Variants in NRG3 observed in about 807,000 individuals in gnomAD.
The protein encoded by NRG3 is pro-neuregulin-3, membrane-bound isoform.
In NRG3, 31 loss-of-function variants were observed where a neutral mutation model predicts 66.9. That is an observed-to-expected ratio of 0.46 (90% confidence interval 0.35 to 0.63). NRG3 has a LOEUF of 0.63. NRG3 is among the 20% of genes least tolerant of loss of function. NRG3 has a pLI of 0.00. For missense variants in NRG3, 910 were observed against 878.9 expected, an observed-to-expected ratio of 1.04 and a Z score of -0.45; for synonymous variants, 393 against 359.4, an observed-to-expected ratio of 1.09 and a Z score of -1.06.
chr10:82,169,096 G>T (rs1489278213), intron 1 of NRG3, among the ~76,000 whole-genome samples: 3 of 152,046 alleles, frequency 2.0e-5, no homozygotes, highest in African/African-American at 7.2e-5. Flanking sequence ...TCACATATCT[G>T]CAAACATCTT....
At chr10:82,385,679 AAG>A (rs980614553) in intron 2 of NRG3, among the ~76,000 whole-genome samples, 14 of 152,268 alleles carry the variant, frequency 9.2e-5, no homozygotes, top group South Asian at 4.1e-4. Context: ...TTTTGCTATA[AAG>A]AGGGGATTGT....
chr10:82,012,381 A>G (rs2061615816), intron 1 of NRG3, among the ~76,000 whole-genome samples: 1 of 152,182 alleles, frequency 6.6e-6, no homozygotes, highest in Admixed American at 6.5e-5. Context: ...CTCTAGGCCT[A>G]TGAAGGGAGG....
chr10:82,044,280 G>T (rs937429341), intron 1 of NRG3, among the ~76,000 whole-genome samples: 6 of 151,940 alleles, frequency 3.9e-5, no homozygotes, highest in Non-Finnish European at 8.8e-5. Context: ...GGTTGCAGGT[G>T]GCCAGATCCT....
At chr10:82,973,648 T>G (rs758036737) in intron 6 of NRG3, 140 bp from the exon 7 acceptor site, 41 of 836,482 alleles carry the variant, frequency 4.9e-5, no homozygotes, top group South Asian at 9.5e-5. Context: ...AGGACACAAA[T>G]TATGTCTTAT....
chr10:81,981,820 G>A (rs1371615712), intron 1 of NRG3, among the ~76,000 whole-genome samples: 2 of 152,130 alleles, frequency 1.3e-5, no homozygotes, highest in Admixed American at 6.5e-5. Context: ...TATTCCAATA[G>A]CCTTTCTTTA....
chr10:82,084,726 C>G (rs959842498), intron 1 of NRG3, among the ~76,000 whole-genome samples: 1 of 152,104 alleles, frequency 6.6e-6, no homozygotes, highest in Non-Finnish European at 1.5e-5. Flanking sequence ...AGTGTGAGCC[C>G]ACACGTTCAA....
At chr10:82,175,706 T>C (rs2072978020) in intron 1 of NRG3, among the ~76,000 whole-genome samples, 1 of 152,324 alleles carries the variant, frequency 6.6e-6, no homozygotes, top group South Asian at 2.1e-4. Flanking sequence ...TGTAAGTCCT[T>C]AGAGAATAGA....
chr10:82,583,869 A>T (rs1486846256), intron 2 of NRG3, among the ~76,000 whole-genome samples: 1 of 152,302 alleles, frequency 6.6e-6, no homozygotes, highest in East Asian at 1.9e-4. Flanking sequence ...CAAATAGACC[A>T]AAGTCTCAAT....
intron 2 of NRG3, among the ~76,000 whole-genome samples, chr10:82,618,155 A>G (rs1194062687): frequency 6.6e-6 from 1 of 152,184 alleles, no homozygotes; most frequent in Admixed American, 6.5e-5. Flanking sequence ...TTATTACGAG[A>G]CTGAAATTTG....
intron 1 of NRG3, among the ~76,000 whole-genome samples, chr10:82,252,931 C>T (rs1029371273): frequency 2.0e-5 from 3 of 152,126 alleles, no homozygotes; most frequent in African/African-American, 4.8e-5. Flanking sequence ...ACTAGAACAT[C>T]GCCCAAAGCC....
intron 2 of NRG3, among the ~76,000 whole-genome samples, chr10:82,546,619 C>T (rs1424740589): frequency 6.6e-6 from 1 of 152,120 alleles, no homozygotes; most frequent in African/African-American, 2.4e-5. Flanking sequence ...GTTAGAAATA[C>T]GTGTATAAAA....
chr10:82,908,627 C>A (rs73311316), intron 4 of NRG3, among the ~76,000 whole-genome samples: 1 of 152,160 alleles, frequency 6.6e-6, no homozygotes, highest in Non-Finnish European at 1.5e-5. Flanking sequence ...CACCTGCAAT[C>A]CTCTCTGTCT....
chr10:82,807,449 C>T (rs1025671313), intron 3 of NRG3, among the ~76,000 whole-genome samples: 4 of 152,156 alleles, frequency 2.6e-5, no homozygotes, highest in Non-Finnish European at 5.9e-5. Context: ...TGTTGCTACT[C>T]ATGTCCACCT....
intron 2 of NRG3, among the ~76,000 whole-genome samples, chr10:82,424,873 A>G (rs914471973): frequency 6.6e-6 from 1 of 151,948 alleles, no homozygotes; most frequent in African/African-American, 2.4e-5. Context: ...TAGTTGTCTC[A>G]GCAGTTTATT....
intron 1 of NRG3, chr10:82,340,829 G>A (rs968738480): frequency 2.0e-5 from 3 of 152,102 alleles, no homozygotes; most frequent in Admixed American, 2.0e-4. Context: ...AGTTGTCATG[G>A]CCGTGCACAA....
At chr10:82,133,055 A>G (rs2069052500) in intron 1 of NRG3, among the ~76,000 whole-genome samples, 2 of 151,494 alleles carry the variant, frequency 1.3e-5, no homozygotes, top group South Asian at 4.2e-4. Context: ...TTTCAATTTT[A>G]TTTATTTCTG....
intron 3 of NRG3, among the ~76,000 whole-genome samples, chr10:82,823,987 CA>C (rs2062070405): frequency 6.6e-6 from 1 of 152,068 alleles, no homozygotes; most frequent in South Asian, 2.1e-4. Flanking sequence ...AAAACAACAA[CA>C]AAACAACAGC....
chr10:82,930,823 T>C (rs1049193578), intron 4 of NRG3, among the ~76,000 whole-genome samples: 1 of 152,110 alleles, frequency 6.6e-6, no homozygotes, highest in Non-Finnish European at 1.5e-5. Context: ...GGGAACCCCA[T>C]CTATGGGACT....
chr10:82,926,667 A>G (rs1847029859), intron 4 of NRG3, among the ~76,000 whole-genome samples: 1 of 152,250 alleles, frequency 6.6e-6, no homozygotes, highest in Admixed American at 6.5e-5. Context: ...TCATTTGATT[A>G]CAACAAACAA....
Sources: gnomAD v4.1 joint callset for allele counts (sites outside exome capture counted in the v4.1 genomes callset) on GRCh38, gnomAD v4.1.1 for gene constraint, MANE v1.5 for transcripts, NCBI Gene and HGNC (gene_info 2026-07-23, HGNC 2026-07-21) for gene names.